ARMH1: variants seen among roughly 807,000 people sequenced by gnomAD.
ARMH1 encodes armadillo-like helical domain containing protein 1.
A neutral mutation model predicts 50.2 loss-of-function variants in ARMH1; 34 were observed. The observed-to-expected ratio is 0.68, with a 90% confidence interval of 0.51 to 0.90. The LOEUF (loss-of-function observed/expected upper bound fraction) is 0.90, where lower values mean the gene tolerates loss of function less well. ARMH1 is among the 40% of genes least tolerant of loss of function. ARMH1 has a pLI of 0.00. For missense variants in ARMH1, 538 were observed against 553.9 expected, an observed-to-expected ratio of 0.97 and a Z score of 0.29; for synonymous variants, 221 against 224.2, an observed-to-expected ratio of 0.99 and a Z score of 0.13.
In ARMH1 at chr1:44,690,023, G is replaced by T. The variant is rs1006109030; in HGVS notation, c.206+120G>T. 6.6e-5 allele frequency: 54 copies of T among 819,804 alleles called. No individual in the cohort carries two copies. The East Asian group carries it at 8.0e-4, about 12-fold the overall frequency. The allele number at this position is 819,804 out of a possible 1,614,324, so 50.8% of individuals were successfully genotyped here. On this transcript the variant is annotated intron_variant, in intron 2 of 11. Transcript: ENST00000535358. ...TCACAAGGTCAGGAGTTCGAGACCA[G>T]CCTAACCAACATGGTGAAACCCTGT...
Position 44,698,100 on chromosome 1 carries a change from G to C in ARMH1, c.313G>C (p.Val105Leu). 1 of 1,552,160 alleles carries C rather than the reference G, an allele frequency of 6.4e-7. No individual in the cohort carries two copies. The highest frequency in any genetic ancestry group is 8.7e-7 in the Non-Finnish European group (1 of 1,147,032). ...TATAGAATTTCTTGAGGTTGGAGGT[G>C]TCCTAACCCTCTTGGAAATACTTGG... Reference protein sequence around the residue: ...YLIEFLEVGGVLTLLEILGLE... With the variant: ...YLIEFLEVGGLLTLLEILGLE... The change falls in exon 4 of 12, where the codon GTC (valine) becomes CTC (leucine). Residue 105 changes from valine to leucine, a missense_variant. Transcript: ENST00000535358.
chr1:44,719,626 G>A (rs1004381373), intron 6 of ARMH1, among the ~76,000 whole-genome samples: 5 of 152,234 alleles, frequency 3.3e-5, no homozygotes, highest in Admixed American at 3.3e-4. Flanking sequence ...GAAATCGCCA[G>A]CATGTGTTCC....
Position 44,681,647 on chromosome 1 carries a change from G to C in ARMH1, c.-23+6774G>C, listed in dbSNP as rs1460897921. Among the ~76,000 whole-genome samples the C allele has an allele frequency of 6.6e-6, 1 of 152,138 alleles. No individual in the cohort carries two copies. Among genetic ancestry groups the C allele is most frequent in the Non-Finnish European group, 1.5e-5 (1 of 68,024 alleles). On this transcript the variant is annotated intron_variant, in intron 1 of 11. Coordinates refer to ENST00000535358, the MANE Select transcript of ARMH1 (RefSeq NM_001145636.2). This position sits in a 1 kb window ranked among gnomAD's most constrained non-coding sequence, Gnocchi z 4.3. ...GGCAGAGCTCTGGTAGATGGCTAGA[G>C]AAGGAGAGGAGAAGGATGGATGTGG...
At position 44,682,490 on chromosome 1, in the gene ARMH1, G is replaced by A. The variant is rs1474769260; in HGVS notation, c.-22-7186G>A. Among the ~76,000 whole-genome samples, 11 of 152,192 alleles carry A rather than the reference G, an allele frequency of 7.2e-5. No individual in the cohort carries two copies. ...AGCAGCATGGGTTGAGGCAAGGGGT[G>A]GGGTGGGGTGTCAGGTTTCACCTGG... is the stretch of plus-strand genomic sequence containing the variant. On this transcript the variant is annotated intron_variant, in intron 1 of 11. Transcript: ENST00000535358. This position sits in a 1 kb window ranked among gnomAD's most constrained non-coding sequence, Gnocchi z 4.5.
intron 6 of ARMH1, among the ~76,000 whole-genome samples, chr1:44,717,127 G>A (rs973067378): frequency 1.3e-5 from 2 of 152,144 alleles, no homozygotes; most frequent in African/African-American, 2.4e-5. Flanking sequence ...GGGATTACAG[G>A]TGTGAGCCAC....
intron 2 of ARMH1, among the ~76,000 whole-genome samples, chr1:44,690,104 A>G (rs1267573567): frequency 1.3e-5 from 2 of 151,882 alleles, no homozygotes; most frequent in African/African-American, 4.8e-5. Context: ...TGTAACCCCA[A>G]CTACTCAAGA....
chr1:44,699,776 G>A (rs1389569501), intron 4 of ARMH1, among the ~76,000 whole-genome samples: 1 of 151,434 alleles, frequency 6.6e-6, no homozygotes, highest in African/African-American at 2.4e-5. Flanking sequence ...TCCATGAAGT[G>A]AGGCATGTAA....
At chr1:44,721,740 C>T (rs560388831) in intron 6 of ARMH1, 10 of 151,998 alleles carry the variant, frequency 6.6e-5, no homozygotes, top group African/African-American at 2.2e-4. Flanking sequence ...CCTCCCAAAG[C>T]ATGAAACACC....
chr1:44,700,753 A>G (rs1646047561), intron 4 of ARMH1, among the ~76,000 whole-genome samples, 170 bp from the exon 5 acceptor site: 1 of 152,134 alleles, frequency 6.6e-6, no homozygotes, highest in African/African-American at 2.4e-5. Flanking sequence ...CAGCCACATA[A>G]CTCTAAGGTA....
chr1:44,692,515 T>C (rs1645691759), intron 2 of ARMH1, among the ~76,000 whole-genome samples: 1 of 152,204 alleles, frequency 6.6e-6, no homozygotes, highest in South Asian at 2.1e-4. Flanking sequence ...TATCTTTATA[T>C]TTCTAACATG....
chr1:44,724,768 G>C lies in ARMH1; in HGVS notation c.1057G>C (p.Val353Leu). The C allele has an allele frequency of 1.3e-6, 2 of 1,543,714 alleles. No individual in the cohort carries two copies. The highest frequency in any genetic ancestry group is 1.7e-6 in the Non-Finnish European group (2 of 1,146,568). Residue 353 changes from valine (V) to leucine (L), a missense_variant, in exon 10 of 12, where the codon GTG becomes CTG. Val to Leu is a conservative substitution (Grantham distance 32, BLOSUM62 1). Transcript: ENST00000535358. The surrounding 1 kb of genome is among the most constrained non-coding windows in gnomAD (Gnocchi z 6.4). Reference sequence around the variant, plus strand: ...CCTCGCCCGCGCGGCGCAGTGCTTCGTGCAGATGTTCCCCTTGGTGGCGGA... The same window carrying C: ...CCTCGCCCGCGCGGCGCAGTGCTTCCTGCAGATGTTCCCCTTGGTGGCGGA... Reference protein sequence around the residue: ...RLASLTLECFVQMFPLVAEHV... With the variant: ...RLASLTLECFLQMFPLVAEHV...
At chr1:44,721,654 G>A (rs139975261) in intron 6 of ARMH1, 7 of 152,064 alleles carry the variant, frequency 4.6e-5, no homozygotes, top group African/African-American at 1.4e-4. Flanking sequence ...GCTTGAGCAT[G>A]GGAGATGGAG....
At chr1:44,688,005 G>C (rs115760317) in intron 1 of ARMH1, among the ~76,000 whole-genome samples, 109 of 152,294 alleles carry the variant, frequency 7.2e-4, no homozygotes, top group African/African-American at 2.6e-3. Context: ...GCCTGATAAA[G>C]CTAGTGGTGG....
intron 6 of ARMH1, among the ~76,000 whole-genome samples, chr1:44,707,262 A>C (rs1056056435): frequency 3.3e-5 from 5 of 152,110 alleles, no homozygotes; most frequent in Non-Finnish European, 5.9e-5. Flanking sequence ...TGAGTGAGTG[A>C]GTGAGTGAGT....
At chr1:44,699,568 G>C (rs1011800815) in intron 4 of ARMH1, among the ~76,000 whole-genome samples, 2 of 151,836 alleles carry the variant, frequency 1.3e-5, no homozygotes, top group African/African-American at 4.8e-5. Flanking sequence ...TCATGCCTTA[G>C]CCTCCCAAGT....
rs923772914 is a variant in ARMH1 at position 44,698,007 on chromosome 1, C to G, written c.276-56C>G. 5.0e-6 allele frequency: 7 copies of G among 1,397,852 alleles called. No homozygotes were observed. The African/African-American group carries it at 8.7e-5, about 17-fold the overall frequency. 86.6% of individuals were successfully genotyped at this position (1,397,852 alleles called of 1,614,324 possible). ...GGACCTTGGGATCTCTTTGAAAGCT[C>G]AGTGCAAAGGAACTTGACAAGAGTT... On this transcript the variant is annotated intron_variant, in intron 3 of 11. Transcript: ENST00000535358.
intron 6 of ARMH1, chr1:44,721,695 C>T (rs1219202146): frequency 3.3e-5 from 5 of 152,246 alleles, no homozygotes; most frequent in Middle Eastern, 3.4e-3. Flanking sequence ...CACCACTCCG[C>T]TACAACCTGG....
At chr1:44,678,412 G>C (rs1645204271) in intron 1 of ARMH1, among the ~76,000 whole-genome samples, 1 of 152,010 alleles carries the variant, frequency 6.6e-6, no homozygotes, top group Admixed American at 6.6e-5. Context: ...GAAAAGGTGG[G>C]GGCAGATGGA....
intron 6 of ARMH1, among the ~76,000 whole-genome samples, chr1:44,715,826 G>A (rs1337828705): frequency 6.6e-6 from 1 of 152,166 alleles, no homozygotes; most frequent in Non-Finnish European, 1.5e-5. Flanking sequence ...GCCTCCCAAA[G>A]TGCTGGGATT....
Sources: gnomAD v4.1 joint callset for allele counts (sites outside exome capture counted in the v4.1 genomes callset) on GRCh38, gnomAD v4.1.1 for gene constraint, Gnocchi (gnomAD v3.1) non-coding constraint, MANE v1.5 for transcripts, NCBI Gene and HGNC (gene_info 2026-07-23, HGNC 2026-07-21) for gene names.